Variants in KCMF1 observed in about 807,000 individuals in gnomAD.
The protein encoded by KCMF1 is potassium channel modulatory factor 1.
In KCMF1, 3 loss-of-function variants were observed where a neutral mutation model predicts 41.1. The observed-to-expected ratio is 0.07, with a 90% confidence interval of 0.03 to 0.19. The LOEUF (loss-of-function observed/expected upper bound fraction) is 0.19. KCMF1 is among the 10% of genes least tolerant of loss of function. KCMF1 has a pLI of 1.00. For missense variants in KCMF1, 286 were observed against 488.9 expected (o/e 0.58, Z 3.91); for synonymous variants, 142 against 164.5 (o/e 0.86, Z 1.04).
Position 85,058,787 on chromosome 2 carries a change from G to GT in KCMF1, c.*5379dup, listed in dbSNP as rs1676001115. ...TCACGTGACCAATCAGAGCTGGTGA[G>GT]TGAGCTGCTCCCTTAAATCTACCAA... On this transcript the variant is annotated 3_prime_UTR_variant, in exon 7 of 7. Coordinates refer to ENST00000409785, the MANE Select transcript of KCMF1 (RefSeq NM_020122.5). 6.6e-6 allele frequency: 1 copy of GT among 152,176 alleles called. No individual in the cohort carries two copies. The highest frequency in any genetic ancestry group is 1.5e-5 in the Non-Finnish European group (1 of 68,028). The allele number at this position is 152,176 out of a possible 1,614,324, so 9.4% of individuals were successfully genotyped here.
At chr2:84,999,557 C>CT (rs1204053749) in intron 1 of KCMF1, among the ~76,000 whole-genome samples, 5 of 152,164 alleles carry the variant, frequency 3.3e-5, no homozygotes, top group African/African-American at 1.2e-4. Flanking sequence ...AGTGAAATAA[C>CT]TGAGTACCTA....
intron 1 of KCMF1, among the ~76,000 whole-genome samples, chr2:85,006,925 A>G (rs569743728): frequency 6.6e-6 from 1 of 151,900 alleles, no homozygotes; most frequent in African/African-American, 2.4e-5. Flanking sequence ...GCTGACCAAC[A>G]TGGAGAAACC....
chr2:85,039,715 A>G (rs906931737), intron 3 of KCMF1, among the ~76,000 whole-genome samples: 2 of 152,192 alleles, frequency 1.3e-5, no homozygotes, highest in Non-Finnish European at 2.9e-5. Flanking sequence ...AGCAAGACTG[A>G]TGGTGACCCT....
intron 6 of KCMF1, among the ~76,000 whole-genome samples, chr2:85,051,331 T>A (rs548931860): frequency 6.6e-6 from 1 of 152,334 alleles, no homozygotes; most frequent in East Asian, 1.9e-4. Flanking sequence ...AAAGGAGATC[T>A]ACTAGCGTGC....
chr2:85,025,659 A>G (rs981406095), intron 1 of KCMF1, among the ~76,000 whole-genome samples: 2 of 152,114 alleles, frequency 1.3e-5, no homozygotes, highest in Non-Finnish European at 2.9e-5. Context: ...CCCAGGCTGG[A>G]GTGCAGTGGC....
rs192411272 is a variant in KCMF1, at chr2:85,014,708, C to T, written c.17-13181C>T. On this transcript the variant is annotated intron_variant, in intron 1 of 6. Transcript: ENST00000409785. The stretch of plus-strand genomic sequence containing the variant: ...ATGTATATGGAAATACTGGCGCGCG[C>T]GTGCGTGCGTGCGTGCGTGTGTGTG... Among the ~76,000 whole-genome samples the T allele has an allele frequency of 2.7e-3, 347 of 129,124 alleles. 2 individuals are homozygous for T. The highest frequency in any genetic ancestry group is 3.3e-3 in the Non-Finnish European group (193 of 58,562). 84.7% of individuals were successfully genotyped at this position (129,124 alleles called of 152,430 possible). A position where few individuals can be genotyped will look rare whatever the true frequency, so the allele number is the denominator to read the frequency against.
chr2:84,974,268 A>G (rs552344558), intron 1 of KCMF1, among the ~76,000 whole-genome samples: 112 of 152,312 alleles, frequency 7.4e-4, no homozygotes, highest in Non-Finnish European at 1.1e-3. Flanking sequence ...CAAGCCTATC[A>G]TGTTGTACTT....
At chr2:85,045,112 C>T (rs993720580) in intron 4 of KCMF1, among the ~76,000 whole-genome samples, 1 of 152,032 alleles carries the variant, frequency 6.6e-6, no homozygotes, top group Non-Finnish European at 1.5e-5. Context: ...TGGTGGCACA[C>T]ACCTGTGGTC....
intron 1 of KCMF1, among the ~76,000 whole-genome samples, chr2:85,008,291 T>TATATATAATATATCATATG (rs1674533277): frequency 2.1e-4 from 3 of 14,624 alleles, no homozygotes; most frequent in African/African-American, 4.6e-4. Context: ...TGATATATAA[T>TATATATAATATATCATATG]ATATATAATA....
At chr2:85,026,766 G>A (rs1675118532) in intron 1 of KCMF1, among the ~76,000 whole-genome samples, 1 of 152,166 alleles carries the variant, frequency 6.6e-6, no homozygotes, top group East Asian at 1.9e-4. Flanking sequence ...TGGGATTATA[G>A]GTGTTAGCCA....
intron 1 of KCMF1, among the ~76,000 whole-genome samples, chr2:84,990,843 T>G (rs1381483939): frequency 6.6e-6 from 1 of 150,910 alleles, no homozygotes; most frequent in Admixed American, 6.6e-5. Flanking sequence ...AGAAGAGGAG[T>G]AGAGAAGATG....
chr2:84,989,087 G>C (rs1673973825), intron 1 of KCMF1, among the ~76,000 whole-genome samples: 1 of 152,078 alleles, frequency 6.6e-6, no homozygotes, highest in Admixed American at 6.6e-5. Flanking sequence ...TTTCTCCACG[G>C]GCCATAGTTT....
At chr2:84,993,929 TTTGTTTTGTTTTGTTTTGTTTTGTTTTG>T (rs2103980727) in intron 1 of KCMF1, among the ~76,000 whole-genome samples, 1 of 143,264 alleles carries the variant, frequency 7.0e-6, no homozygotes, top group Non-Finnish European at 1.5e-5. Flanking sequence ...TTTGTTTTGT[TTTGTTTTGTTTTGTTTTGTTTTGTTTTG>T]TTTTGTTTGA....
chr2:84,981,564 C>G (rs1673753912), intron 1 of KCMF1, among the ~76,000 whole-genome samples: 1 of 152,022 alleles, frequency 6.6e-6, no homozygotes, highest in Non-Finnish European at 1.5e-5. Context: ...TCAACTTTTT[C>G]TACAGTAAGA....
intron 2 of KCMF1, 67 bp from the exon 3 acceptor site, chr2:85,034,949 C>T (rs1675371439): frequency 1.6e-5 from 22 of 1,345,874 alleles, no homozygotes; most frequent in South Asian, 9.3e-5. Flanking sequence ...ATTATTGTAT[C>T]GTACGATTAC....
intron 1 of KCMF1, among the ~76,000 whole-genome samples, chr2:85,024,551 A>C (rs1248303715): frequency 7.5e-6 from 1 of 133,272 alleles, no homozygotes; most frequent in Non-Finnish European, 1.6e-5. Flanking sequence ...TGATTTGGAG[A>C]GTGAGAGAGA....
intron 1 of KCMF1, among the ~76,000 whole-genome samples, chr2:84,988,826 A>G (rs769750051): frequency 6.6e-6 from 1 of 152,204 alleles, no homozygotes; most frequent in Non-Finnish European, 1.5e-5. Flanking sequence ...CCACATAGCA[A>G]ATGTGGCTTT....
intron 1 of KCMF1, among the ~76,000 whole-genome samples, 190 bp from the exon 2 acceptor site, chr2:85,027,699 T>G (rs1192203095): frequency 6.6e-6 from 1 of 152,054 alleles, no homozygotes; most frequent in Non-Finnish European, 1.5e-5. Flanking sequence ...TTAAATTATT[T>G]TCATGTGGAG....
At chr2:85,012,809 C>A (rs1674682685) in intron 1 of KCMF1, among the ~76,000 whole-genome samples, 1 of 152,154 alleles carries the variant, frequency 6.6e-6, no homozygotes, top group Non-Finnish European at 1.5e-5. Flanking sequence ...GAAACTGGAG[C>A]AGACATAAAG....
Sources: allele counts gnomAD v4.1 joint callset (sites outside exome capture counted in the v4.1 genomes callset), GRCh38; gene constraint gnomAD v4.1.1; transcripts MANE v1.5; gene names NCBI Gene and HGNC (gene_info 2026-07-23, HGNC 2026-07-21).